Variants in GSE1 observed in about 807,000 individuals in gnomAD.
The protein encoded by GSE1 is genetic suppressor element 1.
A neutral mutation model predicts 112.6 loss-of-function variants in GSE1; 32 were observed. The ratio of observed to expected loss-of-function variants is 0.28; its 90% confidence interval spans 0.21 to 0.38. The LOEUF is 0.38. Ranked by LOEUF, GSE1 falls within the 10% of genes least tolerant of loss-of-function variation. GSE1 has a pLI of 1.00. For missense variants in GSE1, 2,348 were observed against 1,699.2 expected (o/e 1.38, Z -6.71); for synonymous variants, 1,115 against 735.6 (o/e 1.52, Z -8.35).
In GSE1 at chr16:85,583,782, G is replaced by A. The variant is rs147257328; in HGVS notation, c.37+27419G>A. ...CCGCCCCCCGTCCTCCTCCTGTCGT[G>A]CCACGAGAAATGAGGCCTGACCCAG... On this transcript the variant is annotated intron_variant, in intron 1 of 2. Coordinates refer to the GSE1 transcript ENST00000635906. Among the ~76,000 whole-genome samples, 342 of 152,296 alleles carry A rather than the reference G, an allele frequency of 2.2e-3. 2 individuals are homozygous for A. Among genetic ancestry groups the A allele is most frequent in the African/African-American group, 7.8e-3 (325 of 41,564 alleles).
At chr16:85,335,492 C>T (rs1487729509) in intron 1 of GSE1, among the ~76,000 whole-genome samples, 8 of 151,600 alleles carry the variant, frequency 5.3e-5, no homozygotes, top group Admixed American at 2.0e-4. Context: ...TGGCAGGAGG[C>T]GGAGGCCGTG....
chr16:85,403,665 G>A lies in GSE1; in HGVS notation c.2464+46022G>A, dbSNP rs985408778. Among the ~76,000 whole-genome samples, 4 of 151,956 alleles carry A rather than the reference G, an allele frequency of 2.6e-5. No homozygotes were observed. The South Asian group carries it at 8.3e-4, about 32-fold the overall frequency. On this transcript the variant is annotated intron_variant, in intron 2 of 2. Transcript: ENST00000637419. ...CAAAATAACAAAATTAGCCGGGTAT[G>A]GTAGCACATGCCTGTGGTCCCAGCT...
chr16:85,312,851 C>G (rs572032384), intron 1 of GSE1, among the ~76,000 whole-genome samples: 2 of 152,142 alleles, frequency 1.3e-5, no homozygotes, highest in South Asian at 4.1e-4. Context: ...AGGGGAGTAG[C>G]TGAAGTGTCC....
exon 1 of GSE1, chr16:85,170,000 C>G: frequency 1.0e-6 from 1 of 984,482 alleles, no homozygotes; most frequent in Non-Finnish European, 1.2e-6. Flanking sequence ...GGTGGCGGCC[C>G]CCGGCTGCGC....
At chr16:85,235,415 T>G (rs1359921977) in intron 1 of GSE1, among the ~76,000 whole-genome samples, 9 of 112,148 alleles carry the variant, frequency 8.0e-5, no homozygotes, top group East Asian at 2.7e-4. Context: ...GTGAGGGGGG[T>G]GATGGAAGGG....
At chr16:85,276,196 G>A (rs949290721) in intron 1 of GSE1, among the ~76,000 whole-genome samples, 3 of 152,270 alleles carry the variant, frequency 2.0e-5, no homozygotes, top group African/African-American at 4.8e-5. Context: ...TCCGCCTTGC[G>A]GCGCAGCTGG....
intron 2 of GSE1, among the ~76,000 whole-genome samples, chr16:85,385,034 A>G (rs1363292513): frequency 2.0e-5 from 3 of 152,198 alleles, no homozygotes; most frequent in African/African-American, 7.2e-5. Flanking sequence ...AACACTTCCC[A>G]TCATAAAAGT....
intron 2 of GSE1, among the ~76,000 whole-genome samples, chr16:85,428,252 T>C (rs902272343): frequency 6.6e-6 from 1 of 152,156 alleles, no homozygotes; most frequent in African/African-American, 2.4e-5. Flanking sequence ...GGCCCTGGGC[T>C]CCTGACCTGG....
chr16:85,368,699 T>C (rs2047235886), intron 2 of GSE1, among the ~76,000 whole-genome samples: 3 of 152,270 alleles, frequency 2.0e-5, no homozygotes, highest in Admixed American at 2.0e-4. Context: ...AGTGAGACCC[T>C]GTCACTAAAA....
At chr16:85,304,606 G>GT (rs35518142) in intron 1 of GSE1, among the ~76,000 whole-genome samples, 4,883 of 133,758 alleles carry the variant, frequency 0.037, 287 homozygotes, top group African/African-American at 0.12. Context: ...GGGGGCGGGG[G>GT]GGTGGGGCAT....
At chr16:85,437,521 G>A (rs1478505085) in intron 2 of GSE1, among the ~76,000 whole-genome samples, 3 of 152,070 alleles carry the variant, frequency 2.0e-5, no homozygotes, top group African/African-American at 7.2e-5. Context: ...GGAGGAGGGA[G>A]CTACGTGTTT....
chr16:85,436,155 T>G (rs1307418950), intron 2 of GSE1, among the ~76,000 whole-genome samples: 1 of 152,170 alleles, frequency 6.6e-6, no homozygotes, highest in African/African-American at 2.4e-5. Flanking sequence ...CCTGGGTTAA[T>G]GGGGTAGCTC....
At chr16:85,522,659 G>A (rs921225994) in intron 2 of GSE1, among the ~76,000 whole-genome samples, 19 of 152,204 alleles carry the variant, frequency 1.2e-4, no homozygotes, top group Admixed American at 7.9e-4. Flanking sequence ...ACAGCAGGCC[G>A]GCTCCGAGTC....
rs540366791 is a variant in GSE1 at position 85,440,239 on chromosome 16, C to T, written c.2464+82596C>T. Among the ~76,000 whole-genome samples the T allele has an allele frequency of 3.3e-4, 51 of 152,318 alleles. 2 individuals carry two copies. In the South Asian group the frequency reaches 9.9e-3, roughly 30 times the overall value. ...AGGTGAGGATCAGGAGACAGTCAGC[C>T]CTCTGCTTTGCTGGAGACTGGGGAA... On this transcript the variant is annotated intron_variant, in intron 2 of 2. Transcript: ENST00000637419.
chr16:85,497,482 G>T (rs73265167), intron 2 of GSE1, among the ~76,000 whole-genome samples: 20 of 152,254 alleles, frequency 1.3e-4, no homozygotes, highest in African/African-American at 4.8e-4. Context: ...CTTCAGCCCA[G>T]TGCCCAGCAC....
chr16:85,542,585 C>G (rs548179599), intron 2 of GSE1, among the ~76,000 whole-genome samples: 1 of 152,236 alleles, frequency 6.6e-6, no homozygotes, highest in Non-Finnish European at 1.5e-5. Flanking sequence ...CACAAACAAC[C>G]GGAAAGGCTG....
rs567623870 is a variant in GSE1, at chr16:85,559,840, C to T, written c.37+3477C>T. On this transcript the variant is annotated intron_variant, in intron 1 of 2. Coordinates refer to the GSE1 transcript ENST00000635906. ...TTGGCACACAGCCACGCCTGTTCCT[C>T]TGGCAGCTTTCACATTATAATGGCC... Among the ~76,000 whole-genome samples, 109 of 152,334 alleles carry T rather than the reference C, an allele frequency of 7.2e-4. 1 individual carries two copies. Among genetic ancestry groups the T allele is most frequent in the Non-Finnish European group, 7.2e-4 (49 of 68,036 alleles).
chr16:85,175,453 C>G (rs2074442488), intron 1 of GSE1, among the ~76,000 whole-genome samples: 1 of 152,270 alleles, frequency 6.6e-6, no homozygotes, highest in African/African-American at 2.4e-5. Flanking sequence ...TGGGAGTCGG[C>G]TGTGTGATGT....
intron 2 of GSE1, among the ~76,000 whole-genome samples, chr16:85,640,900 C>T (rs979464829): frequency 8.6e-5 from 13 of 151,900 alleles, no homozygotes; most frequent in African/African-American, 2.4e-4. Flanking sequence ...TCTCCTGGCC[C>T]GGGGGCCAGA....
Sources: gnomAD v4.1 joint callset for allele counts (sites outside exome capture counted in the v4.1 genomes callset) on GRCh38, gnomAD v4.1.1 for gene constraint, MANE v1.5 for transcripts, NCBI Gene and HGNC (gene_info 2026-07-23, HGNC 2026-07-21) for gene names.